Variants in IL16 observed in about 807,000 individuals in gnomAD.
IL16 encodes the protein interleukin 16.
A neutral mutation model predicts 110.1 loss-of-function variants in IL16; 67 were observed. The observed-to-expected ratio is 0.61, with a 90% CI of 0.50 to 0.75. The LOEUF (loss-of-function observed/expected upper bound fraction) is 0.75, where lower values mean the gene tolerates loss of function less well. IL16 is among the 30% of genes least tolerant of loss of function. The pLI, the probability that IL16 is intolerant of heterozygous loss-of-function variation, is 0.00. For missense variants in IL16, 1,545 were observed against 1,655.0 expected, an observed-to-expected ratio of 0.93 and a Z score of 1.15; for synonymous variants, 689 against 662.9, an observed-to-expected ratio of 1.04 and a Z score of -0.61.
At chr15:81,187,734 G>A (rs1348999750) in intron 1 of IL16, among the ~76,000 whole-genome samples, 2 of 152,206 alleles carry the variant, frequency 1.3e-5, no homozygotes, top group African/African-American at 2.4e-5. Context: ...CACCTGCTTT[G>A]TCCTCCTTTG....
At chr15:81,295,002 A>C (rs1899917516) in intron 12 of IL16, among the ~76,000 whole-genome samples, 1 of 151,824 alleles carries the variant, frequency 6.6e-6, no homozygotes, top group Non-Finnish European at 1.5e-5. Context: ...TTTCCCATCT[A>C]CTCTAATTCA....
At chr15:81,198,257 T>G (rs988872973) in intron 1 of IL16, among the ~76,000 whole-genome samples, 2 of 152,138 alleles carry the variant, frequency 1.3e-5, no homozygotes, top group African/African-American at 4.8e-5. Flanking sequence ...AGCTAAAATA[T>G]TCACATACCT....
At chr15:81,286,405 T>C (rs1240198974) in intron 10 of IL16, among the ~76,000 whole-genome samples, 2 of 152,152 alleles carry the variant, frequency 1.3e-5, no homozygotes, top group East Asian at 1.9e-4. Flanking sequence ...AAATTCAATG[T>C]CACAGAGTCA....
intron 1 of IL16, among the ~76,000 whole-genome samples, chr15:81,223,194 A>G (rs1046343523): frequency 4.6e-5 from 7 of 152,198 alleles, no homozygotes; most frequent in Admixed American, 3.9e-4. Flanking sequence ...CTGATACAAC[A>G]GTTTCAGTGG....
intron 18 of IL16, 40 bp from the exon 19 acceptor site, chr15:81,308,565 C>T: frequency 6.8e-7 from 1 of 1,464,624 alleles, no homozygotes; most frequent in Non-Finnish European, 9.3e-7. Flanking sequence ...TCCTTGTTCC[C>T]CATCATCTGT....
chr15:81,300,093 C>A lies in IL16; in HGVS notation c.2767C>A (p.Pro923Thr). Residue 923 changes from proline to threonine, a missense_variant, in exon 14 of 19, where the codon CCT (proline) becomes ACT (threonine). Transcript: ENST00000683961. ...CAGAGACCCAGGTGTGTCTGAGTCCCCTCCCCCAGGGCGGCAGCCCAATCA... is the reference window on the plus strand; with the variant it reads ...CAGAGACCCAGGTGTGTCTGAGTCCACTCCCCCAGGGCGGCAGCCCAATCA... ...EARDPGVSESPPPGRQPNQKT... is the reference protein window; with the variant it reads ...EARDPGVSESTPPGRQPNQKT... 6.3e-7 allele frequency: 1 copy of A among 1,580,894 alleles called. No homozygotes were observed.
chr15:81,203,802 C>G (rs967832462), intron 1 of IL16, among the ~76,000 whole-genome samples: 1 of 152,070 alleles, frequency 6.6e-6, no homozygotes, highest in Non-Finnish European at 1.5e-5. Flanking sequence ...CTTGGCAATG[C>G]GGGCTCTTTT....
intron 1 of IL16, among the ~76,000 whole-genome samples, chr15:81,214,840 C>G (rs1469016833): frequency 1.3e-5 from 2 of 151,700 alleles, no homozygotes; most frequent in East Asian, 3.9e-4. Flanking sequence ...TTTTTCTTTC[C>G]CTTTATCTGA....
intron 1 of IL16, among the ~76,000 whole-genome samples, chr15:81,188,039 C>A (rs1254591103): frequency 6.6e-6 from 1 of 152,086 alleles, no homozygotes; most frequent in East Asian, 1.9e-4. Flanking sequence ...TTTGTATGTC[C>A]TTGTTTATCC....
intron 2 of IL16, among the ~76,000 whole-genome samples, chr15:81,244,039 C>T (rs1897446125): frequency 6.6e-6 from 1 of 152,074 alleles, no homozygotes; most frequent in African/African-American, 2.4e-5. Flanking sequence ...GTGGGCTTTA[C>T]ATTATATAGA....
chr15:81,225,388 T>C lies in IL16; in HGVS notation c.-12T>C. On this transcript the variant is annotated 5_prime_UTR_variant, in exon 2 of 19. Coordinates refer to ENST00000683961, the MANE Select transcript of IL16 (RefSeq NM_172217.5). ...GGAAAGGAAGAAAGGCAGCTTCACT[T>C]CCTCTTTGAGGATGGAGTCGCACAG... 1 of 1,613,012 alleles carries C rather than the reference T, an allele frequency of 6.2e-7. No homozygotes were observed.
rs1897420314 is a variant in IL16, at chr15:81,243,370, A to G, written c.313-16402A>G. Among the ~76,000 whole-genome samples the G allele has an allele frequency of 4.0e-5, 6 of 150,198 alleles. No individual in the cohort carries two copies. In the South Asian group the frequency reaches 1.3e-3, roughly 32 times the overall value. On this transcript the variant is annotated intron_variant, in intron 2 of 18. Coordinates refer to ENST00000683961, the MANE Select transcript of IL16 (RefSeq NM_172217.5). Reference sequence around the variant, plus strand: ...TTTATTTTCTTAGTTTTTTTTGTAGAGAGAGAATTTTGCCATGTTGCCCAG... The same window carrying G: ...TTTATTTTCTTAGTTTTTTTTGTAGGGAGAGAATTTTGCCATGTTGCCCAG...
chr15:81,249,338 T>C (rs1221144735), intron 2 of IL16, among the ~76,000 whole-genome samples: 1 of 152,174 alleles, frequency 6.6e-6, no homozygotes, highest in African/African-American at 2.4e-5. Flanking sequence ...GTCACTTCTC[T>C]TCTTTCTAAA....
rs976158769 is a variant in IL16 at position 81,313,462 on chromosome 15, G to T, written c.*4664G>T. On this transcript the variant is annotated 3_prime_UTR_variant, in exon 19 of 19. Coordinates refer to ENST00000683961, the MANE Select transcript of IL16 (RefSeq NM_172217.5). ...TGCAGCAGAGGTGCTGGGGACGAGC[G>T]CCAGGCAGGTGAGCAGAGCCCAGCC... 6 of 1,431,936 alleles carry T rather than the reference G, an allele frequency of 4.2e-6. No homozygotes were observed. Among genetic ancestry groups the T allele is most frequent in the Non-Finnish European group, 5.5e-6 (6 of 1,084,374 alleles). 88.7% of individuals were successfully genotyped at this position (1,431,936 alleles called of 1,614,324 possible). A position where few individuals can be genotyped will look rare whatever the true frequency, so the allele number is the denominator to read the frequency against.
chr15:81,243,156 TATATA>T, intron 2 of IL16, among the ~76,000 whole-genome samples: 1 of 45,450 alleles, frequency 2.2e-5, no homozygotes, highest in Non-Finnish European at 4.5e-5. Flanking sequence ...TATATATATA[TATATA>T]TATTTTTTTT....
rs545015298 is a variant in IL16 at position 81,268,579 on chromosome 15, C to A, written c.565-959C>A. Among the ~76,000 whole-genome samples the A allele has an allele frequency of 7.2e-5, 11 of 152,368 alleles. No homozygotes were observed. In the East Asian group the frequency reaches 9.6e-4, roughly 13 times the overall value. ...AGCCCGGGATCCTGGTTCTGCCTTG[C>A]GGCATCTCCGATATCAGAGAGCAGG... On this transcript the variant is annotated intron_variant, in intron 4 of 18. Coordinates refer to ENST00000683961, the MANE Select transcript of IL16 (RefSeq NM_172217.5).
intron 2 of IL16, among the ~76,000 whole-genome samples, chr15:81,249,322 T>C (rs1897684120): frequency 6.6e-6 from 1 of 152,184 alleles, no homozygotes; most frequent in African/African-American, 2.4e-5. Flanking sequence ...CAGGCCTTCA[T>C]CTTGGGTCAC....
Position 81,290,442 on chromosome 15 carries a change from A to G in IL16, c.1333-11A>G. 6.2e-7 allele frequency: 1 copy of G among 1,603,916 alleles called. No individual in the cohort carries two copies. The highest frequency in any genetic ancestry group is 1.1e-5 in the South Asian group (1 of 89,728). ...TACTGTTTGTTTGAGGAGATGACTG[A>G]TATTTTCTAGGTCTCTGAACAGCAA... On this transcript the variant is annotated splice_polypyrimidine_tract_variant and intron_variant, in intron 10 of 18. Coordinates refer to ENST00000683961, the MANE Select transcript of IL16 (RefSeq NM_172217.5).
chr15:81,188,283 G>A (rs1475747238), intron 1 of IL16: 6 of 455,584 alleles, frequency 1.3e-5, no homozygotes, highest in Non-Finnish European at 2.6e-5. Context: ...TTATGAGGTG[G>A]AGAGGGGGAG....
Sources: gnomAD v4.1 joint callset for allele counts (sites outside exome capture counted in the v4.1 genomes callset) on GRCh38, gnomAD v4.1.1 for gene constraint, MANE v1.5 for transcripts, NCBI Gene and HGNC (gene_info 2026-07-23, HGNC 2026-07-21) for gene names.